The following IQCH variants were observed in gnomAD, a reference collection of about 807,000 sequenced individuals.
The protein encoded by IQCH is IQ domain-containing protein H.
A neutral mutation model predicts 117.0 loss-of-function variants in IQCH; 98 were observed. The ratio of observed to expected loss-of-function variants is 0.84; its 90% confidence interval spans 0.71 to 0.99. IQCH has a LOEUF of 0.99. Ranked by LOEUF, IQCH falls within the 50% of genes least tolerant of loss-of-function variation. The pLI is 0.00. For missense variants in IQCH, 1,102 were observed against 1,243.8 expected (o/e 0.89, Z 1.72); for synonymous variants, 412 against 448.2 (o/e 0.92, Z 1.02).
rs555842469 is a variant in IQCH, at chr15:67,355,527, T to G, written c.638-1818T>G. ...ATGGTGTGAACCTGGGAGGTGGAGC[T>G]TGCAGTGAGCCGAGATTGTGCCACT... On this transcript the variant is annotated intron_variant, in intron 6 of 20. Transcript: ENST00000335894. 9.9e-5 allele frequency among the ~76,000 whole-genome samples: 15 copies of G among 152,024 alleles called. No homozygotes were observed. The South Asian group carries it at 2.7e-3, about 27-fold the overall frequency.
chr15:67,286,680 G>T (rs150214234), intron 4 of IQCH, among the ~76,000 whole-genome samples: 1 of 152,020 alleles, frequency 6.6e-6, no homozygotes, highest in African/African-American at 2.4e-5. Flanking sequence ...TGCAGTTCGG[G>T]CTTACTGTCA....
At chr15:67,492,051 A>G (rs971787450) in intron 19 of IQCH, among the ~76,000 whole-genome samples, 4 of 152,140 alleles carry the variant, frequency 2.6e-5, no homozygotes, top group African/African-American at 7.2e-5. Flanking sequence ...ACTCTCCCCA[A>G]ACTTGACACG....
chr15:67,254,807 G>T lies in IQCH; in HGVS notation c.-90G>T, dbSNP rs578254920. The T allele has an allele frequency of 7.0e-7, 1 of 1,430,952 alleles. No individual in the cohort carries two copies. 88.6% of individuals were successfully genotyped at this position (1,430,952 alleles called of 1,614,324 possible). On this transcript the variant is annotated 5_prime_UTR_variant, in exon 1 of 21. Coordinates refer to ENST00000335894, the MANE Select transcript of IQCH (RefSeq NM_001031715.3). ...GCGTGGAACAGGCCAGGTCGCGCGC[G>T]GTGTTGCCATGGGGACGAGCGGCTC...
At chr15:67,285,656 A>T (rs1409587094) in intron 4 of IQCH, among the ~76,000 whole-genome samples, 2 of 152,172 alleles carry the variant, frequency 1.3e-5, no homozygotes, top group East Asian at 3.8e-4. Flanking sequence ...GTCCAGTTTC[A>T]GTCTTCTGCA....
chr15:67,441,730 A>C (rs2082275226), intron 16 of IQCH, among the ~76,000 whole-genome samples: 1 of 152,206 alleles, frequency 6.6e-6, no homozygotes, highest in Non-Finnish European at 1.5e-5. Flanking sequence ...TTATACAAAA[A>C]TCAACTCAAG....
Position 67,431,893 on chromosome 15 carries a change from G to T in IQCH, c.2505+10316G>T, listed in dbSNP as rs1372237872. On this transcript the variant is annotated intron_variant, in intron 16 of 20. Coordinates refer to ENST00000335894, the MANE Select transcript of IQCH (RefSeq NM_001031715.3). The surrounding 1 kb of genome is among the most constrained non-coding windows in gnomAD (Gnocchi z 4.8). Reference sequence around the variant, plus strand: ...TAAAATTAAAAATAAAAAATTAGTTGGGCATGGTGGCACACATCTGTAATC... The same window carrying T: ...TAAAATTAAAAATAAAAAATTAGTTTGGCATGGTGGCACACATCTGTAATC... Among the ~76,000 whole-genome samples, 1 of 152,072 alleles carries T rather than the reference G, an allele frequency of 6.6e-6. No individual in the cohort carries two copies. Among genetic ancestry groups the T allele is most frequent in the African/African-American group, 2.4e-5 (1 of 41,410 alleles).
At chr15:67,442,881 T>TATAAA (rs2082311991) in intron 16 of IQCH, among the ~76,000 whole-genome samples, 1 of 146,260 alleles carries the variant, frequency 6.8e-6, no homozygotes, top group South Asian at 2.2e-4. Flanking sequence ...TATATATATA[T>TATAAA]ATAAAATACA....
chr15:67,332,018 T>G (rs1346787570), intron 4 of IQCH, among the ~76,000 whole-genome samples: 1 of 152,174 alleles, frequency 6.6e-6, no homozygotes, highest in Admixed American at 6.5e-5. Context: ...CAGGATGTCC[T>G]ATTCTAAAAG....
rs577577021 is a variant in IQCH at position 67,312,526 on chromosome 15, T to C, written c.388-24449T>C. Among the ~76,000 whole-genome samples the C allele has an allele frequency of 6.6e-5, 10 of 152,292 alleles. No individual in the cohort carries two copies. The East Asian group carries it at 1.7e-3, about 26-fold the overall frequency. On this transcript the variant is annotated intron_variant, in intron 4 of 20. Transcript: ENST00000335894. Reference sequence around the variant, plus strand: ...TGGGTGAAATATCCACTTCTCTTAGTTGATGGTGCCAAAAATCTATGGAAA... The same window carrying C: ...TGGGTGAAATATCCACTTCTCTTAGCTGATGGTGCCAAAAATCTATGGAAA...
chr15:67,397,092 T>C (rs935427734), intron 13 of IQCH, among the ~76,000 whole-genome samples: 1 of 152,236 alleles, frequency 6.6e-6, no homozygotes, highest in Non-Finnish European at 1.5e-5. Context: ...CACAGCAGAA[T>C]ATCTGGCTGT....
intron 4 of IQCH, among the ~76,000 whole-genome samples, chr15:67,298,321 A>AG (rs1966873177): frequency 6.6e-6 from 1 of 151,154 alleles, no homozygotes; most frequent in African/African-American, 2.4e-5. Flanking sequence ...AAAAAAAAAA[A>AG]GATCTGAATT....
intron 4 of IQCH, among the ~76,000 whole-genome samples, chr15:67,318,647 CAT>C (rs1162539310): frequency 6.6e-6 from 1 of 152,034 alleles, no homozygotes; most frequent in Middle Eastern, 3.2e-3. Context: ...CTTATTAAAA[CAT>C]ATAATAAAAT....
chr15:67,448,142 C>G (rs1017722548), intron 16 of IQCH, among the ~76,000 whole-genome samples: 29 of 132,846 alleles, frequency 2.2e-4, no homozygotes, highest in Middle Eastern at 7.2e-3. Flanking sequence ...GTACAGGTAT[C>G]CATCCTAAGT....
chr15:67,361,169 T>C (rs574349670), intron 8 of IQCH, among the ~76,000 whole-genome samples: 1 of 152,298 alleles, frequency 6.6e-6, no homozygotes, highest in Non-Finnish European at 1.5e-5. Flanking sequence ...GAGTTTGTGC[T>C]CTCTGCCTGT....
chr15:67,333,430 T>C (rs962585829), intron 4 of IQCH, among the ~76,000 whole-genome samples: 2 of 152,224 alleles, frequency 1.3e-5, no homozygotes, highest in African/African-American at 4.8e-5. Context: ...TAATAATGTG[T>C]TAGGTTTAAT....
At chr15:67,270,570 T>G (rs1965856436) in intron 3 of IQCH, among the ~76,000 whole-genome samples, 2 of 152,142 alleles carry the variant, frequency 1.3e-5, no homozygotes, top group South Asian at 4.1e-4. Flanking sequence ...CTCATGGGAG[T>G]GAGTGAATTC....
rs201394285 is a variant in IQCH at position 67,442,817 on chromosome 15, G to GAGATAGATAGAT, written c.2505+21278_2505+21289dup. ...ATCAACAAGTGGATAAAGAAACTGT[G>GAGATAGATAGAT]AGATAGATAGATAGATAGATAGATA... On this transcript the variant is annotated intron_variant, in intron 16 of 20. Transcript: ENST00000335894. 8.6e-3 allele frequency among the ~76,000 whole-genome samples: 1,186 copies of GAGATAGATAGAT among 138,176 alleles called. 6 individuals carry two copies. Among genetic ancestry groups the GAGATAGATAGAT allele is most frequent in the Middle Eastern group, 0.011 (3 of 274 alleles). The allele number at this position is 138,176 out of a possible 152,430, so 90.6% of individuals were successfully genotyped here.
Position 67,388,849 on chromosome 15 carries a change from T to C in IQCH, c.1475T>C (p.Ile492Thr). Residue 492 changes from isoleucine (I) to threonine (T), a missense_variant, in exon 12 of 21, where the codon ATC becomes ACC. Physicochemically the swap from Ile to Thr is moderately conservative, Grantham distance 89. Around this residue, in one of 2 missense-constraint regions of IQCH, gnomAD observed 650 missense variants for 794.3 expected, o/e 0.82. Coordinates refer to ENST00000335894, the MANE Select transcript of IQCH (RefSeq NM_001031715.3). This position sits in a 1 kb window ranked among gnomAD's most constrained non-coding sequence, Gnocchi z 5.5. ...CDILDANVNV[I>T]YICSHHMNDE... ...TTTTTAGATGCCAATGTGAATGTCA[T>C]CTACATCTGCTCCCATCATATGAAT... 1 of 1,613,658 alleles carries C rather than the reference T, an allele frequency of 6.2e-7. No homozygotes were observed. Among genetic ancestry groups the C allele is most frequent in the Non-Finnish European group, 8.5e-7 (1 of 1,179,656 alleles).
At chr15:67,442,202 GGA>G (rs2082285798) in intron 16 of IQCH, among the ~76,000 whole-genome samples, 1 of 152,104 alleles carries the variant, frequency 6.6e-6, no homozygotes, top group African/African-American at 2.4e-5. Flanking sequence ...CCTGAGGTCA[GGA>G]GTTGGAGACC....
Sources: allele counts gnomAD v4.1 joint callset (sites outside exome capture counted in the v4.1 genomes callset), GRCh38; gene constraint gnomAD v4.1.1; regional missense constraint gnomAD v4.1.1; non-coding constraint Gnocchi (gnomAD v3.1); transcripts MANE v1.5; gene names NCBI Gene and HGNC (gene_info 2026-07-23, HGNC 2026-07-21).